The following SCGB1C1 variants were observed in gnomAD, a reference collection of about 807,000 sequenced individuals.
SCGB1C1 encodes the protein secretoglobin family 1C member 1, also known as ligand binding protein RYD5.
Under a neutral mutation model 8.9 loss-of-function variants are expected in SCGB1C1, and 2 were observed. The observed-to-expected ratio is 0.23, with a 90% CI of 0.09 to 0.71. The LOEUF (loss-of-function observed/expected upper bound fraction) is 0.71, where lower values mean the gene tolerates loss of function less well. Among genes scored for constraint, SCGB1C1 ranks in the 30% least tolerant of loss-of-function variants. The pLI, the probability that SCGB1C1 is intolerant of heterozygous loss-of-function variation, is 0.78. For missense variants in SCGB1C1, 25 were observed against 112.7 expected (o/e 0.22, Z 3.52); for synonymous variants, 6 against 45.8 (o/e 0.13, Z 3.51).
chr11:189,894 A>C (rs796826202), upstream of SCGB1C1, among the ~76,000 whole-genome samples: 2 of 13,254 alleles, frequency 1.5e-4, no homozygotes, highest in South Asian at 4.1e-3. Context: ...GCAGGCAGCT[A>C]GGGACGTTGC....
chr11:189,833 C>T (rs1854756961), upstream of SCGB1C1, among the ~76,000 whole-genome samples: 1 of 152,058 alleles, frequency 6.6e-6, no homozygotes, highest in African/African-American at 2.4e-5. Flanking sequence ...CTGCTGGCGC[C>T]GGGGCACTGC....
chr11:192,271 T>G (rs1178183720), upstream of SCGB1C1, among the ~76,000 whole-genome samples: 1 of 151,536 alleles, frequency 6.6e-6, no homozygotes, highest in African/African-American at 2.4e-5. Flanking sequence ...TTGGCATGGT[T>G]TTGTTTGGTG....
Position 193,720 on chromosome 11 carries a change from A to G in SCGB1C1, c.64A>G (p.Thr22Ala), listed in dbSNP as rs1462741291. 1 of 1,613,692 alleles carries G rather than the reference A, an allele frequency of 6.2e-7. No homozygotes were observed. The highest frequency in any genetic ancestry group is 8.5e-7 in the Non-Finnish European group (1 of 1,180,016). ...TCTCGCTCGTGATGCAGGGATGGCC[A>G]CAGGGGAGGACAACGATGAGTTTTT... ...LTLFCICRMA[T>A]GEDNDEFFMD... Residue 22 changes from threonine (T) to alanine (A), a missense_variant, in exon 2 of 3, where the codon ACA becomes GCA. Thr to Ala is a moderately conservative substitution (Grantham distance 58). Coordinates refer to ENST00000342878, the MANE Select transcript of SCGB1C1 (RefSeq NM_145651.3).
upstream of SCGB1C1, among the ~76,000 whole-genome samples, chr11:190,953 G>GAGGGAACGA (rs1854794304): frequency 4.6e-4 from 69 of 151,090 alleles, no homozygotes; most frequent in Admixed American, 6.6e-4. Flanking sequence ...GTTCTAGGGT[G>GAGGGAACGA]TTTCTTTCTG....
upstream of SCGB1C1, among the ~76,000 whole-genome samples, chr11:192,156 C>T (rs1854825426): frequency 6.7e-6 from 1 of 148,594 alleles, no homozygotes; most frequent in South Asian, 2.2e-4. Context: ...GGCCCAGGGC[C>T]ATGTGGATGC....
chr11:191,765 C>A (rs1261015204), upstream of SCGB1C1, among the ~76,000 whole-genome samples: 1 of 152,308 alleles, frequency 6.6e-6, no homozygotes, highest in African/African-American at 2.4e-5. Flanking sequence ...GCCAGTGGAA[C>A]ACAGCGTATA....
chr11:191,032 A>G (rs186227246), upstream of SCGB1C1, among the ~76,000 whole-genome samples: 13 of 149,650 alleles, frequency 8.7e-5, no homozygotes, highest in African/African-American at 3.2e-4. Flanking sequence ...TAGAGATGCT[A>G]CTAATATGTG....
upstream of SCGB1C1, among the ~76,000 whole-genome samples, chr11:189,376 T>C (rs1438463103): frequency 6.6e-6 from 1 of 152,292 alleles, no homozygotes; most frequent in African/African-American, 2.4e-5. Context: ...GGCTGTGTCA[T>C]GGTCGTGTCC....
upstream of SCGB1C1, among the ~76,000 whole-genome samples, chr11:192,416 G>A (rs1854829896): frequency 6.6e-6 from 1 of 151,992 alleles, no homozygotes. Flanking sequence ...ACTGATGGAA[G>A]ATGTACCTCA....
chr11:190,718 G>A (rs1320897769), upstream of SCGB1C1, among the ~76,000 whole-genome samples: 2 of 152,406 alleles, frequency 1.3e-5, no homozygotes, highest in Non-Finnish European at 2.9e-5. Flanking sequence ...TGATCAATAC[G>A]AATCCACTCT....
upstream of SCGB1C1, among the ~76,000 whole-genome samples, chr11:190,296 G>A (rs1854775601): frequency 6.9e-6 from 1 of 145,894 alleles, no homozygotes. Context: ...CCGGTGTGAC[G>A]GCCTCCTGCA....
At chr11:189,457 G>A (rs1227284851), upstream of SCGB1C1, among the ~76,000 whole-genome samples, 6 of 129,842 alleles carry the variant, frequency 4.6e-5, no homozygotes, top group Admixed American at 4.2e-4. Flanking sequence ...ACAGAGGCGC[G>A]GCGCGCGGGC....
Position 193,755 on chromosome 11 carries a change from C to T in SCGB1C1, c.99C>T (p.Phe33=), listed in dbSNP as rs775355836. The change falls in exon 2 of 3, where the codon TTC becomes TTT. Residue 33 remains phenylalanine (F), a synonymous_variant. Transcript: ENST00000342878. ...GEDNDEFFMD[F]LQTLLVGTPE... Reference sequence around the variant, plus strand: ...ACAACGATGAGTTTTTCATGGACTTCCTGCAAACACTACTGGTGGGGACCC... The same window carrying T: ...ACAACGATGAGTTTTTCATGGACTTTCTGCAAACACTACTGGTGGGGACCC... 15 of 1,613,288 alleles carry T rather than the reference C, an allele frequency of 9.3e-6. No individual in the cohort carries two copies. In the African/African-American group the frequency reaches 1.7e-4, roughly 19 times the overall value.
At chr11:190,715 TA>T (rs1362373947), upstream of SCGB1C1, among the ~76,000 whole-genome samples, 295 of 148,220 alleles carry the variant, frequency 2.0e-3, no homozygotes, top group African/African-American at 7.2e-3. Flanking sequence ...TGGTGATCAA[TA>T]CGAATCCACT....
At chr11:188,097 C>T (rs1854707780), upstream of SCGB1C1, among the ~76,000 whole-genome samples, 4 of 151,284 alleles carry the variant, frequency 2.6e-5, no homozygotes, top group South Asian at 8.3e-4. Context: ...GAAGGCAAAT[C>T]CGGGCTGTAA....
chr11:192,831 TTGGCA>T (rs1175252614), upstream of SCGB1C1, among the ~76,000 whole-genome samples: 8 of 143,764 alleles, frequency 5.6e-5, no homozygotes, highest in African/African-American at 2.1e-4. Flanking sequence ...CACCGATCAG[TTGGCA>T]TGGCCTCTCA....
upstream of SCGB1C1, among the ~76,000 whole-genome samples, chr11:191,885 AACCCCT>A (rs765696766): frequency 0.026 from 109 of 4,136 alleles, 1 homozygote; most frequent in African/African-American, 0.062. Context: ...CCCTAACCCT[AACCCCT>A]ACCCCTAACC....
upstream of SCGB1C1, among the ~76,000 whole-genome samples, chr11:191,816 ACCC>A (rs1451332785): frequency 1.3e-5 from 1 of 74,876 alleles, no homozygotes. Flanking sequence ...CCTAACCCTA[ACCC>A]CTAACCCCTA....
upstream of SCGB1C1, among the ~76,000 whole-genome samples, chr11:189,813 C>A (rs1590061190): frequency 6.6e-6 from 1 of 152,184 alleles, no homozygotes; most frequent in Admixed American, 6.5e-5. Flanking sequence ...ACAGTGGTGG[C>A]CAGCGCCCCC....
Sources: allele counts gnomAD v4.1 joint callset (sites outside exome capture counted in the v4.1 genomes callset), GRCh38; gene constraint gnomAD v4.1.1; transcripts MANE v1.5; gene names NCBI Gene and HGNC (gene_info 2026-07-23, HGNC 2026-07-21).